IQGAP2: variants seen among roughly 807,000 people sequenced by gnomAD.
IQGAP2 encodes the protein IQ motif containing GTPase activating protein 2, also known as ras GTPase-activating-like protein IQGAP2.
A neutral mutation model predicts 201.3 loss-of-function variants in IQGAP2; 173 were observed. The observed-to-expected ratio is 0.86, with a 90% CI of 0.76 to 0.98. The LOEUF (loss-of-function observed/expected upper bound fraction) is 0.98. Ranked by LOEUF, IQGAP2 falls within the 50% of genes least tolerant of loss-of-function variation. The pLI, the probability that IQGAP2 is intolerant of heterozygous loss-of-function variation, is 0.00. For synonymous variants in IQGAP2, 675 were observed against 673.9 expected (o/e 1.00, Z -0.03); for missense variants, 1,687 against 1,864.8 (o/e 0.90, Z 1.76).
chr5:76,420,158 T>C (rs1751650493), intron 1 of IQGAP2, among the ~76,000 whole-genome samples: 1 of 152,130 alleles, frequency 6.6e-6, no homozygotes. Flanking sequence ...TGGTGATGAA[T>C]AGATATTTTT....
At chr5:76,555,082 A>G (rs935115757) in intron 2 of IQGAP2, among the ~76,000 whole-genome samples, 25 of 152,242 alleles carry the variant, frequency 1.6e-4, no homozygotes, top group African/African-American at 5.8e-4. Flanking sequence ...ATTTATATTT[A>G]CATGAAATGT....
At position 76,438,035 on chromosome 5, in the gene IQGAP2, G is replaced by GT. The variant is rs71604291; in HGVS notation, c.47-23524dup. Among the ~76,000 whole-genome samples, 165 of 68,542 alleles carry GT rather than the reference G, an allele frequency of 2.4e-3. 3 individuals are homozygous for GT. Among genetic ancestry groups the GT allele is most frequent in the African/African-American group, 9.9e-3 (122 of 12,364 alleles). 45.0% of individuals were successfully genotyped at this position (68,542 alleles called of 152,430 possible). On this transcript the variant is annotated intron_variant, in intron 1 of 35. Transcript: ENST00000274364. ...TTTTTTTTTTTTTTTTTTTTTGTTT[G>GT]TTTTTTTTTTTGTTTTTTTATTATG...
chr5:76,512,322 C>A (rs568660584), intron 2 of IQGAP2, among the ~76,000 whole-genome samples: 77 of 152,286 alleles, frequency 5.1e-4, no homozygotes, highest in Admixed American at 4.1e-3. Flanking sequence ...TTGTATAAGG[C>A]TTTTGTATCT....
intron 24 of IQGAP2, 127 bp downstream of exon 24, chr5:76,672,110 C>A: frequency 1.5e-6 from 1 of 676,268 alleles, no homozygotes; most frequent in Non-Finnish European, 2.6e-6. Flanking sequence ...AAAATGTTAC[C>A]TCCCTTTAAC....
Position 76,588,964 on chromosome 5 carries a change from G to A in IQGAP2, c.517G>A (p.Asp173Asn). The A allele has an allele frequency of 6.3e-7, 1 of 1,598,468 alleles. No individual in the cohort carries two copies. The highest frequency in any genetic ancestry group is 8.6e-7 in the Non-Finnish European group (1 of 1,166,596). ...PQIQDLLGKV[D>N]FTEEEISNMR... Reference sequence around the variant, plus strand: ...GATCCAGGATTTGTTGGGCAAAGTAGACTTCACAGGTACTACTCTTTATCT... The same window carrying A: ...GATCCAGGATTTGTTGGGCAAAGTAAACTTCACAGGTACTACTCTTTATCT... The change falls in exon 6 of 36, where the codon GAC becomes AAC. Residue 173 changes from aspartate (D) to asparagine (N), a missense_variant. Coordinates refer to ENST00000274364, the MANE Select transcript of IQGAP2 (RefSeq NM_006633.5).
At chr5:76,688,104 T>G (rs764384581) in intron 30 of IQGAP2, among the ~76,000 whole-genome samples, 1 of 152,210 alleles carries the variant, frequency 6.6e-6, no homozygotes, top group Admixed American at 6.5e-5. Flanking sequence ...ACCGAATTTG[T>G]AACTCAAGCA....
rs138104184 is a variant in IQGAP2, at chr5:76,542,736, C to T, written c.147-19660C>T. Among the ~76,000 whole-genome samples the T allele has an allele frequency of 5.6e-3, 855 of 152,280 alleles. 4 individuals carry two copies. Among genetic ancestry groups the T allele is most frequent in the African/African-American group, 0.02 (834 of 41,562 alleles). On this transcript the variant is annotated intron_variant, in intron 2 of 35. Transcript: ENST00000274364. ...TTGCATTAAATTTGTCTCCTCATAC[C>T]TGGAACAATTGGATATCATGTTTTG... is the stretch of plus-strand genomic sequence containing the variant.
chr5:76,575,805 A>G, intron 5 of IQGAP2, 36 bp downstream of exon 5: 1 of 1,220,794 alleles, frequency 8.2e-7, no homozygotes, highest in Admixed American at 2.3e-5. Flanking sequence ...TGCTCTAAGA[A>G]GTAGATTTAA....
intron 23 of IQGAP2, among the ~76,000 whole-genome samples, chr5:76,671,289 T>C (rs1353629950): frequency 1.3e-5 from 2 of 152,182 alleles, no homozygotes; most frequent in African/African-American, 4.8e-5. Context: ...ATACACCTTA[T>C]AAATGATTGC....
At chr5:76,679,828 T>C (rs751213465) in intron 28 of IQGAP2, among the ~76,000 whole-genome samples, 3 of 152,218 alleles carry the variant, frequency 2.0e-5, no homozygotes, top group Non-Finnish European at 2.9e-5. Flanking sequence ...ACTCACCTTT[T>C]TAAAAACAAC....
intron 17 of IQGAP2, among the ~76,000 whole-genome samples, chr5:76,648,215 G>A (rs1289470109): frequency 2.6e-5 from 4 of 152,138 alleles, no homozygotes; most frequent in African/African-American, 9.7e-5. Context: ...CCCCACCTTA[G>A]TAGTAAGGTT....
At chr5:76,472,296 A>C (rs1018582122) in intron 2 of IQGAP2, among the ~76,000 whole-genome samples, 1 of 152,160 alleles carries the variant, frequency 6.6e-6, no homozygotes, top group Non-Finnish European at 1.5e-5. Flanking sequence ...TAACAGGGTG[A>C]TCTCCGTGGC....
chr5:76,658,806 A>G lies in IQGAP2; in HGVS notation c.2529+139A>G, dbSNP rs1201824901. The G allele has an allele frequency of 9.2e-6, 7 of 764,024 alleles. No individual in the cohort carries two copies. The East Asian group carries it at 1.9e-4, about 20-fold the overall frequency. 47.3% of individuals were successfully genotyped at this position (764,024 alleles called of 1,614,324 possible). On this transcript the variant is annotated intron_variant, in intron 21 of 35. Coordinates refer to ENST00000274364, the MANE Select transcript of IQGAP2 (RefSeq NM_006633.5). ...CATCCTGATGCAAACATCATAGAGC[A>G]CTTACCTAAACATAGATGGTGGAGT... is the stretch of plus-strand genomic sequence containing the variant.
intron 2 of IQGAP2, among the ~76,000 whole-genome samples, chr5:76,464,198 TA>T: frequency 6.6e-6 from 1 of 152,316 alleles, no homozygotes; most frequent in African/African-American, 2.4e-5. Flanking sequence ...ATGGATTATA[TA>T]AAAATTTGTG....
intron 18 of IQGAP2, among the ~76,000 whole-genome samples, chr5:76,653,216 C>T (rs1580729818): frequency 6.6e-6 from 1 of 152,068 alleles, no homozygotes; most frequent in African/African-American, 2.4e-5. Flanking sequence ...CAGAACAAAA[C>T]CCATGATAAG....
At chr5:76,489,134 C>T (rs1178555816) in intron 2 of IQGAP2, among the ~76,000 whole-genome samples, 2 of 152,168 alleles carry the variant, frequency 1.3e-5, no homozygotes, top group Admixed American at 6.5e-5. Flanking sequence ...CCGTGCCTCG[C>T]AGTGGTAGGG....
intron 1 of IQGAP2, among the ~76,000 whole-genome samples, chr5:76,415,990 G>A (rs911304556): frequency 6.6e-6 from 1 of 151,784 alleles, no homozygotes; most frequent in African/African-American, 2.4e-5. Flanking sequence ...AAGCAGATCT[G>A]TAAAAGGTAG....
At chr5:76,576,586 C>G (rs1432761994) in intron 5 of IQGAP2, among the ~76,000 whole-genome samples, 2 of 152,202 alleles carry the variant, frequency 1.3e-5, no homozygotes, top group Non-Finnish European at 2.9e-5. Context: ...TGGCAGAGTA[C>G]TCTGCCTAGA....
intron 1 of IQGAP2, among the ~76,000 whole-genome samples, chr5:76,447,647 G>C (rs538653245): frequency 6.6e-6 from 1 of 152,296 alleles, no homozygotes; most frequent in Admixed American, 6.5e-5. Context: ...AGCTAAGCTG[G>C]GGTGGGTGCT....
Sources: gnomAD v4.1 joint callset for allele counts (sites outside exome capture counted in the v4.1 genomes callset) on GRCh38, gnomAD v4.1.1 for gene constraint, MANE v1.5 for transcripts, NCBI Gene and HGNC (gene_info 2026-07-23, HGNC 2026-07-21) for gene names.